The following FRMD6 variants were observed in gnomAD, a reference collection of about 807,000 sequenced individuals.
FRMD6 encodes the protein FERM domain containing 6.
A neutral mutation model predicts 73.2 loss-of-function variants in FRMD6; 37 were observed. The observed-to-expected ratio is 0.51, with a 90% CI of 0.39 to 0.66. The LOEUF is 0.66. Among genes scored for constraint, FRMD6 ranks in the 30% least tolerant of loss-of-function variants. The pLI, the probability that FRMD6 is intolerant of heterozygous loss-of-function variation, is 0.00. For missense variants in FRMD6, 714 were observed against 780.5 expected (o/e 0.91, Z 1.02); for synonymous variants, 273 against 282.2 (o/e 0.97, Z 0.33).
chr14:51,400,035 A>C, the FRMD6 span, among the ~76,000 whole-genome samples: 1 of 152,136 alleles, frequency 6.6e-6, no homozygotes, highest in African/African-American at 2.4e-5. Context: ...GGAATGTTTC[A>C]ATACATGCAT....
the FRMD6 span, among the ~76,000 whole-genome samples, chr14:51,472,695 C>A: frequency 1.3e-5 from 2 of 152,220 alleles, no homozygotes; most frequent in Admixed American, 6.5e-5. Flanking sequence ...TTAGCCTCAG[C>A]TCACCTGAAC....
chr14:51,666,153 C>G (rs180838003), intron 1 of FRMD6, among the ~76,000 whole-genome samples: 9 of 152,274 alleles, frequency 5.9e-5, no homozygotes, highest in East Asian at 1.9e-4. Flanking sequence ...ATTTACTATG[C>G]CATTTCCTTT....
At chr14:51,433,953 ATATCT>A in the FRMD6 span, among the ~76,000 whole-genome samples, 2 of 152,224 alleles carry the variant, frequency 1.3e-5, no homozygotes, top group Non-Finnish European at 2.9e-5. Context: ...CTGTACGCAA[ATATCT>A]TAATCTATTT....
At chr14:51,585,044 A>T (rs574376182) in intron 2 of FRMD6, among the ~76,000 whole-genome samples, 1 of 152,350 alleles carries the variant, frequency 6.6e-6, no homozygotes, top group African/African-American at 2.4e-5. Flanking sequence ...AATACACAGT[A>T]GCTGTCATTG....
chr14:51,565,902 C>T (rs909838460), intron 1 of FRMD6, among the ~76,000 whole-genome samples: 4 of 152,198 alleles, frequency 2.6e-5, no homozygotes, highest in African/African-American at 7.2e-5. Flanking sequence ...CGGTGGCTCA[C>T]GCCTGTAATC....
upstream of FRMD6, among the ~76,000 whole-genome samples, chr14:51,486,797 CAT>C (rs1882769845): frequency 6.6e-6 from 1 of 152,172 alleles, no homozygotes; most frequent in Non-Finnish European, 1.5e-5. Flanking sequence ...CCTATGTTGT[CAT>C]ATCCCTAACG....
chr14:51,405,354 T>C, the FRMD6 span, among the ~76,000 whole-genome samples: 4 of 152,236 alleles, frequency 2.6e-5, no homozygotes, highest in African/African-American at 7.2e-5. Context: ...ATTGCCATGC[T>C]ACTTTCCACA....
chr14:51,465,652 C>CT, the FRMD6 span, among the ~76,000 whole-genome samples: 2 of 152,178 alleles, frequency 1.3e-5, no homozygotes, highest in African/African-American at 4.8e-5. Flanking sequence ...CTTTTTGTTG[C>CT]TGGGTAGTAT....
chr14:51,608,915 G>A (rs1289600950), intron 2 of FRMD6, among the ~76,000 whole-genome samples: 1 of 152,152 alleles, frequency 6.6e-6, no homozygotes, highest in African/African-American at 2.4e-5. Context: ...TAAATGCACT[G>A]GTGAGAAGGA....
At chr14:51,425,370 C>T in the FRMD6 span, among the ~76,000 whole-genome samples, 1 of 152,110 alleles carries the variant, frequency 6.6e-6, no homozygotes, top group Admixed American at 6.5e-5. Flanking sequence ...TTTGTATGTC[C>T]ATATATCCTG....
intron 2 of FRMD6, among the ~76,000 whole-genome samples, chr14:51,628,543 G>A (rs1891201360): frequency 6.6e-6 from 1 of 151,792 alleles, no homozygotes; most frequent in Admixed American, 6.6e-5. Context: ...GATGGCTCAC[G>A]TCTATAATCC....
intron 1 of FRMD6, among the ~76,000 whole-genome samples, chr14:51,686,047 G>C (rs955013184): frequency 1.3e-5 from 2 of 152,196 alleles, no homozygotes. Flanking sequence ...CAAATTACCA[G>C]CTTTTTACTT....
chr14:51,519,165 C>G (rs77803960), intron 1 of FRMD6, among the ~76,000 whole-genome samples: 1 of 101,400 alleles, frequency 9.9e-6, no homozygotes, highest in Non-Finnish European at 1.8e-5. Flanking sequence ...TTCTTCCCAC[C>G]CCCCGCCCCC....
chr14:51,628,931 C>G (rs1327489903), intron 2 of FRMD6, among the ~76,000 whole-genome samples: 1 of 122,514 alleles, frequency 8.2e-6, no homozygotes, highest in Non-Finnish European at 1.6e-5. Flanking sequence ...GGCTGGAGTG[C>G]AGTGACGCAA....
chr14:51,587,899 T>C (rs1277414002), intron 2 of FRMD6, among the ~76,000 whole-genome samples: 2 of 151,972 alleles, frequency 1.3e-5, no homozygotes, highest in Non-Finnish European at 2.9e-5. Flanking sequence ...GTGCATTCAA[T>C]AGAACAAGAA....
At chr14:51,594,307 T>TTTATTTA (rs1889580818) in intron 2 of FRMD6, among the ~76,000 whole-genome samples, 1 of 3,404 alleles carries the variant, frequency 2.9e-4, no homozygotes, top group Non-Finnish European at 8.7e-4. Flanking sequence ...GTATTTTATT[T>TTTATTTA]TTATTTATTT....
intron 1 of FRMD6, chr14:51,546,836 C>T (rs898078837): frequency 6.6e-6 from 1 of 151,984 alleles, no homozygotes; most frequent in Non-Finnish European, 1.5e-5. Flanking sequence ...CATAAAGAGG[C>T]AAAAATAGAG....
chr14:51,597,756 G>A (rs1889801688), intron 2 of FRMD6, among the ~76,000 whole-genome samples: 1 of 152,184 alleles, frequency 6.6e-6, no homozygotes, highest in Non-Finnish European at 1.5e-5. Flanking sequence ...TTAAAGAAGG[G>A]GGTAAAGAAA....
chr14:51,446,172 G>A, the FRMD6 span, among the ~76,000 whole-genome samples: 34 of 152,260 alleles, frequency 2.2e-4, 1 homozygote, highest in African/African-American at 7.9e-4. Flanking sequence ...GTTTTCTTAA[G>A]AAGTTTACAT....
Sources: allele counts gnomAD v4.1 joint callset (sites outside exome capture counted in the v4.1 genomes callset), GRCh38; gene constraint gnomAD v4.1.1; transcripts MANE v1.5; gene names NCBI Gene and HGNC (gene_info 2026-07-23, HGNC 2026-07-21).